CHEK1: variants seen among roughly 807,000 people sequenced by gnomAD.
CHEK1 encodes the protein serine/threonine-protein kinase Chk1.
Under a neutral mutation model 60.2 loss-of-function variants are expected in CHEK1, and 32 were observed. That is an observed-to-expected ratio of 0.53 (90% confidence interval 0.40 to 0.71). CHEK1 has a LOEUF of 0.71. CHEK1 is among the 30% of genes least tolerant of loss of function. CHEK1 has a pLI of 0.00. For missense variants in CHEK1, 399 were observed against 564.6 expected, an observed-to-expected ratio of 0.71 and a Z score of 2.97; for synonymous variants, 179 against 187.2, an observed-to-expected ratio of 0.96 and a Z score of 0.36.
At chr11:125,635,783 CT>C (rs1380709178) in intron 7 of CHEK1, 2 of 235,844 alleles carry the variant, frequency 8.5e-6, no homozygotes, top group Non-Finnish European at 1.6e-5. Context: ...TCTTAGATGG[CT>C]TTTTACTTAA....
At chr11:125,626,087 C>T in intron 1 of CHEK1, 75 bp downstream of exon 1, 1 of 660,180 alleles carries the variant, frequency 1.5e-6, no homozygotes, top group Admixed American at 2.1e-5. Flanking sequence ...TGAGGGAGGG[C>T]ATGGTGGGAG....
Position 125,625,596 on chromosome 11 carries a change from G to C in CHEK1, c.-437G>C. 1 of 592,244 alleles carries C rather than the reference G, an allele frequency of 1.7e-6. No homozygotes were observed. Among genetic ancestry groups the C allele is most frequent in the Non-Finnish European group, 3.0e-6 (1 of 331,268 alleles). 36.7% of individuals were successfully genotyped at this position (592,244 alleles called of 1,614,324 possible). On this transcript the variant is annotated 5_prime_UTR_variant, in exon 1 of 13. Coordinates refer to ENST00000438015, the MANE Select transcript of CHEK1 (RefSeq NM_001114122.3). ...CGGTGCAGCCTTTCAGGCCCAGAGC[G>C]GCCAGGAGCGAAGCCCGCAGCCCCG...
At chr11:125,676,223 A>G in exon 14 of CHEK1, 1 of 1,186,484 alleles carries the variant, frequency 8.4e-7, no homozygotes, top group African/African-American at 1.5e-5. Flanking sequence ...TTCTGTTCTT[A>G]GTCCTTGAAA....
chr11:125,673,461 A>T (rs1398387918), intron 13 of CHEK1, among the ~76,000 whole-genome samples: 1 of 138,424 alleles, frequency 7.2e-6, no homozygotes, highest in African/African-American at 2.5e-5. Flanking sequence ...TCAGCCTCCC[A>T]AAGCGCTGGG....
chr11:125,626,035 G>C, intron 1 of CHEK1, 23 bp downstream of exon 1: 1 of 693,116 alleles, frequency 1.4e-6, no homozygotes, highest in South Asian at 1.5e-5. Context: ...GGCCGGTAGA[G>C]TAGGGAAGGT....
intron 3 of CHEK1, among the ~76,000 whole-genome samples, chr11:125,628,321 A>T (rs1342729668): frequency 6.6e-6 from 1 of 152,244 alleles, no homozygotes; most frequent in Non-Finnish European, 1.5e-5. Flanking sequence ...TAATACTTAA[A>T]TATTCGATGT....
chr11:125,637,553 C>T lies in CHEK1; in HGVS notation c.814+9C>T. On this transcript the variant is annotated intron_variant, in intron 8 of 12. Coordinates refer to ENST00000438015, the MANE Select transcript of CHEK1 (RefSeq NM_001114122.3). ...CAAACCCCTCAAGAAAGGTAATATC[C>T]TTAAACTACAAGTTTGTTTGTTTTT... The T allele has an allele frequency of 6.3e-7, 1 of 1,576,042 alleles. No homozygotes were observed. The highest frequency in any genetic ancestry group is 1.8e-5 in the Admixed American group (1 of 56,336).
Position 125,625,205 on chromosome 11 carries a change from AG to A in CHEK1, c.-827del, listed in dbSNP as rs1464025332. On this transcript the variant is annotated 5_prime_UTR_variant, in exon 1 of 13. It introduces an in-frame stop codon into an upstream open reading frame of the 5' UTR. Coordinates refer to ENST00000438015, the MANE Select transcript of CHEK1 (RefSeq NM_001114122.3). ...GTTCTTTGCACATTAAAAATGAAAA[AG>A]TTTGTAGAACTAAGCTAAGCAGATG... The A allele has an allele frequency of 8.8e-6, 2 of 227,444 alleles. No individual in the cohort carries two copies. The highest frequency in any genetic ancestry group is 4.4e-5 in the African/African-American group (2 of 45,008). 14.1% of individuals were successfully genotyped at this position (227,444 alleles called of 1,614,324 possible).
In CHEK1 at chr11:125,640,817, G is replaced by A. The variant is rs376733783; in HGVS notation, c.815-2975G>A. Reference sequence around the variant, plus strand: ...AAAAATACAAAAATTAGCCAGGTGTGGTGGTTCACGCCTGTAATCCCAGCT... The same window carrying A: ...AAAAATACAAAAATTAGCCAGGTGTAGTGGTTCACGCCTGTAATCCCAGCT... On this transcript the variant is annotated intron_variant, in intron 8 of 12. Transcript: ENST00000438015. Among the ~76,000 whole-genome samples, 7 of 152,198 alleles carry A rather than the reference G, an allele frequency of 4.6e-5. No individual in the cohort carries two copies. The East Asian group carries it at 1.2e-3, about 25-fold the overall frequency.
intron 13 of CHEK1, among the ~76,000 whole-genome samples, chr11:125,664,902 T>C (rs145486947): frequency 7.2e-5 from 11 of 152,348 alleles, no homozygotes; most frequent in Admixed American, 5.2e-4. Context: ...AGTTTTATAG[T>C]TGCAGGTCCT....
Position 125,625,741 on chromosome 11 carries a change from C to T in CHEK1, c.-292C>T. The T allele has an allele frequency of 4.4e-6, 3 of 676,040 alleles. No individual in the cohort carries two copies. Among genetic ancestry groups the T allele is most frequent in the Non-Finnish European group, 8.2e-6 (3 of 366,576 alleles). The allele number at this position is 676,040 out of a possible 1,614,324, so 41.9% of individuals were successfully genotyped here. On this transcript the variant is annotated 5_prime_UTR_variant, in exon 1 of 13. Transcript: ENST00000438015. ...ACCGGATGCCACTTCATATTTGGGC[C>T]CAGAGCTCAATTCGCGCCGATGCGG...
chr11:125,638,172 G>C (rs1451920025), intron 8 of CHEK1, among the ~76,000 whole-genome samples: 1 of 152,188 alleles, frequency 6.6e-6, no homozygotes, highest in Non-Finnish European at 1.5e-5. Flanking sequence ...GGAGACCTCT[G>C]AGAGATTTTA....
intron 11 of CHEK1, among the ~76,000 whole-genome samples, chr11:125,648,305 G>T (rs1192182465): frequency 6.6e-6 from 1 of 152,014 alleles, no homozygotes; most frequent in Non-Finnish European, 1.5e-5. Context: ...TTATTTGGCA[G>T]GGCGTGGTGG....
At chr11:125,651,748 T>C (rs1312773123) in intron 11 of CHEK1, among the ~76,000 whole-genome samples, 1 of 152,210 alleles carries the variant, frequency 6.6e-6, no homozygotes, top group Non-Finnish European at 1.5e-5. Context: ...CAGGGTAAGT[T>C]AAAATGCCAG....
intron 11 of CHEK1, chr11:125,649,736 A>G (rs1481797852): frequency 1.3e-5 from 2 of 155,792 alleles, no homozygotes; most frequent in Non-Finnish European, 2.8e-5. Flanking sequence ...TGTCTCAAAA[A>G]AAAAAAAAAA....
intron 7 of CHEK1, among the ~76,000 whole-genome samples, chr11:125,636,773 T>C (rs576052881): frequency 3.5e-4 from 54 of 152,214 alleles, no homozygotes; most frequent in African/African-American, 1.3e-3. Flanking sequence ...CAAATACTTT[T>C]CACAATTTAT....
chr11:125,635,739 T>C (rs551913), intron 7 of CHEK1: 6 of 333,688 alleles, frequency 1.8e-5, no homozygotes, highest in African/African-American at 4.3e-5. Context: ...AAAAATATTT[T>C]GGGGAGTGTA....
chr11:125,643,778 G>A lies in CHEK1; in HGVS notation c.815-14G>A. 6.2e-7 allele frequency: 1 copy of A among 1,602,796 alleles called. No homozygotes were observed. Among genetic ancestry groups the A allele is most frequent in the Non-Finnish European group, 8.5e-7 (1 of 1,174,946 alleles). ...AGAAGACTTGAAAGCATTTGTATTT[G>A]TTTTCTTTTTTAGGGGCAAAAAGGC... On this transcript the variant is annotated splice_polypyrimidine_tract_variant and intron_variant, in intron 8 of 12. Coordinates refer to ENST00000438015, the MANE Select transcript of CHEK1 (RefSeq NM_001114122.3).
Position 125,652,598 on chromosome 11 carries a change from GAC to G in CHEK1, c.1234-1142_1234-1141del, listed in dbSNP as rs572317724. Among the ~76,000 whole-genome samples the G allele has an allele frequency of 1.8e-3, 275 of 152,206 alleles. 3 individuals carry two copies. Among genetic ancestry groups the G allele is most frequent in the African/African-American group, 6.4e-3 (266 of 41,530 alleles). ...ACCCCTGTTGATAGATTGGGTTGGG[GAC>G]ACACATACCCACTGGGAGAAGAGAG... On this transcript the variant is annotated intron_variant, in intron 11 of 12. Transcript: ENST00000438015.
Sources: allele counts gnomAD v4.1 joint callset (sites outside exome capture counted in the v4.1 genomes callset), GRCh38; gene constraint gnomAD v4.1.1; transcripts MANE v1.5; gene names NCBI Gene and HGNC (gene_info 2026-07-23, HGNC 2026-07-21).